Variants in CSMD1 observed in about 807,000 individuals in gnomAD.
CSMD1 encodes CUB and Sushi multiple domains 1.
In CSMD1, 213 loss-of-function variants were observed where a neutral mutation model predicts 417.5. The ratio of observed to expected loss-of-function variants is 0.51; its 90% CI spans 0.46 to 0.57. The LOEUF (loss-of-function observed/expected upper bound fraction) is 0.57, where lower values mean the gene tolerates loss of function less well. Ranked by LOEUF, CSMD1 falls within the 20% of genes least tolerant of loss-of-function variation. The probability of loss-of-function intolerance (pLI) is 0.00; values close to 1 mark genes in which losing one functional copy is unlikely to be tolerated. For synonymous variants in CSMD1, 2,862 were observed against 1,736.8 expected, an observed-to-expected ratio of 1.65 and a Z score of -16.11; for missense variants, 6,923 against 4,529.7, an observed-to-expected ratio of 1.53 and a Z score of -15.17.
chr8:4,952,638 G>T (rs1585396914), intron 1 of CSMD1, among the ~76,000 whole-genome samples: 1 of 152,026 alleles, frequency 6.6e-6, no homozygotes, highest in East Asian at 1.9e-4. Flanking sequence ...TATGGTGATT[G>T]TGGTAGAGGT....
intron 20 of CSMD1, among the ~76,000 whole-genome samples, chr8:3,360,353 C>G (rs1345825156): frequency 6.6e-6 from 1 of 152,226 alleles, no homozygotes; most frequent in African/African-American, 2.4e-5. Flanking sequence ...ACAGCCAACT[C>G]CTTCTGATCT....
At chr8:3,268,354 TCTCAG>T (rs1275703572) in intron 26 of CSMD1, among the ~76,000 whole-genome samples, 4 of 139,876 alleles carry the variant, frequency 2.9e-5, no homozygotes, top group Non-Finnish European at 6.1e-5. Flanking sequence ...TGGAGCGTGA[TCTCAG>T]CTCACTGCAA....
At chr8:4,069,171 T>C (rs560889635) in intron 3 of CSMD1, among the ~76,000 whole-genome samples, 1 of 152,288 alleles carries the variant, frequency 6.6e-6, no homozygotes, top group African/African-American at 2.4e-5. Context: ...TATACTATGA[T>C]GGGTAGGCAT....
At chr8:3,825,871 G>T (rs1444015664) in intron 5 of CSMD1, among the ~76,000 whole-genome samples, 1 of 152,176 alleles carries the variant, frequency 6.6e-6, no homozygotes, top group Non-Finnish European at 1.5e-5. Context: ...GTACACTAGG[G>T]CAAGATCAGA....
At chr8:3,465,255 C>T (rs1363829719) in intron 12 of CSMD1, among the ~76,000 whole-genome samples, 1 of 152,146 alleles carries the variant, frequency 6.6e-6, no homozygotes, top group Admixed American at 6.5e-5. Flanking sequence ...TTTCTCCACC[C>T]TACTTGCTTT....
chr8:3,246,952 G>A (rs182927333), intron 26 of CSMD1, among the ~76,000 whole-genome samples: 1 of 152,230 alleles, frequency 6.6e-6, no homozygotes, highest in African/African-American at 2.4e-5. Context: ...ACAATTTATT[G>A]CTTATAGAAC....
chr8:3,406,274 C>A, intron 14 of CSMD1, 53 bp from the exon 15 acceptor site: 8 of 1,411,700 alleles, frequency 5.7e-6, no homozygotes, highest in Non-Finnish European at 7.7e-6. Flanking sequence ...GTATTAATTA[C>A]ATGTATTAAA....
At chr8:4,062,124 G>C (rs1366338434) in intron 3 of CSMD1, among the ~76,000 whole-genome samples, 2 of 152,080 alleles carry the variant, frequency 1.3e-5, no homozygotes, top group African/African-American at 4.8e-5. Flanking sequence ...GGTCAGCAGA[G>C]GGTCAGTGGA....
intron 3 of CSMD1, among the ~76,000 whole-genome samples, chr8:4,334,535 T>C (rs894170079): frequency 4.6e-5 from 7 of 152,156 alleles, no homozygotes; most frequent in African/African-American, 1.7e-4. Context: ...TTCCTTAAAA[T>C]AAAACTCTCC....
chr8:4,778,863 G>C (rs1162629463), intron 1 of CSMD1, among the ~76,000 whole-genome samples: 1 of 152,182 alleles, frequency 6.6e-6, no homozygotes, highest in Non-Finnish European at 1.5e-5. Flanking sequence ...TTCAAGAACT[G>C]CTATACAATG....
In CSMD1 at chr8:3,813,952, G is replaced by GT. The variant is rs558707875; in HGVS notation, c.819-59911dup. ...GCTTCTGGAGTCTTTTCTGAGAAAT[G>GT]TAAGACCCTGAAATATGTGATTCTT... On this transcript the variant is annotated intron_variant, in intron 5 of 69. Transcript: ENST00000635120. Among the ~76,000 whole-genome samples the GT allele has an allele frequency of 2.9e-4, 44 of 152,286 alleles. 1 individual carries two copies. In the South Asian group the frequency reaches 8.3e-3, roughly 29 times the overall value.
At chr8:3,979,210 A>G (rs1019541339) in intron 5 of CSMD1, among the ~76,000 whole-genome samples, 19 of 152,276 alleles carry the variant, frequency 1.2e-4, no homozygotes, top group African/African-American at 4.6e-4. Flanking sequence ...CCAAATCTCA[A>G]TAATGTATAG....
At position 4,323,519 on chromosome 8, in the gene CSMD1, G is replaced by C. The variant is rs548446992; in HGVS notation, c.415+96434C>G. ...AACCTGTTATCAGAAATGTTGCCTGGCATAAGGATCCTGACCAGTGTGGGT... is the reference window on the plus strand; with the variant it reads ...AACCTGTTATCAGAAATGTTGCCTGCCATAAGGATCCTGACCAGTGTGGGT... On this transcript the variant is annotated intron_variant, in intron 3 of 69. Coordinates refer to ENST00000635120, the MANE Select transcript of CSMD1 (RefSeq NM_033225.6). 2.6e-5 allele frequency among the ~76,000 whole-genome samples: 4 copies of C among 152,164 alleles called. No individual in the cohort carries two copies. The South Asian group carries it at 6.2e-4, about 24-fold the overall frequency.
chr8:4,448,825 G>A (rs979054549), intron 2 of CSMD1, among the ~76,000 whole-genome samples: 13 of 152,142 alleles, frequency 8.5e-5, no homozygotes, highest in East Asian at 1.9e-4. Context: ...CTGGGACAGG[G>A]TAAAAGGTAA....
intron 69 of CSMD1, among the ~76,000 whole-genome samples, chr8:2,941,343 A>G (rs1228751263): frequency 6.6e-6 from 1 of 152,220 alleles, no homozygotes; most frequent in African/African-American, 2.4e-5. Flanking sequence ...AAAAAATAAT[A>G]TCATGACAGT....
chr8:4,538,167 T>A (rs1345917090), intron 2 of CSMD1, among the ~76,000 whole-genome samples: 1 of 150,322 alleles, frequency 6.7e-6, no homozygotes. Flanking sequence ...GACTCCGGTG[T>A]AACATGCAAC....
intron 3 of CSMD1, among the ~76,000 whole-genome samples, chr8:4,129,780 A>T (rs1802986128): frequency 1.3e-5 from 2 of 152,072 alleles, no homozygotes; most frequent in African/African-American, 2.4e-5. Flanking sequence ...TCAACAATTT[A>T]ATTTTCTCCA....
At chr8:3,596,148 G>C (rs1213559968) in intron 8 of CSMD1, among the ~76,000 whole-genome samples, 6 of 152,196 alleles carry the variant, frequency 3.9e-5, no homozygotes, top group Admixed American at 2.0e-4. Context: ...AGGAAACAGT[G>C]AGGAGTGTCG....
chr8:4,793,688 A>G (rs1227576433), intron 1 of CSMD1, among the ~76,000 whole-genome samples: 1 of 152,156 alleles, frequency 6.6e-6, no homozygotes, highest in Non-Finnish European at 1.5e-5. Flanking sequence ...AAGAAAGTGT[A>G]CATGGAGAGG....
Sources: gnomAD v4.1 joint callset for allele counts (sites outside exome capture counted in the v4.1 genomes callset) on GRCh38, gnomAD v4.1.1 for gene constraint, MANE v1.5 for transcripts, NCBI Gene and HGNC (gene_info 2026-07-23, HGNC 2026-07-21) for gene names.